The following GRM7 variants were observed in gnomAD, a reference collection of about 807,000 sequenced individuals.
GRM7 encodes the protein glutamate metabotropic receptor 7.
Under a neutral mutation model 84.5 loss-of-function variants are expected in GRM7, and 35 were observed. The observed-to-expected ratio is 0.41, with a 90% CI of 0.32 to 0.55. The LOEUF (loss-of-function observed/expected upper bound fraction) is 0.55. Among genes scored for constraint, GRM7 ranks in the 20% least tolerant of loss-of-function variants. The probability of loss-of-function intolerance (pLI) is 0.19; values close to 1 mark genes in which losing one functional copy is unlikely to be tolerated. For synonymous variants in GRM7, 487 were observed against 455.1 expected (o/e 1.07, Z -0.89); for missense variants, 1,003 against 1,194.6 (o/e 0.84, Z 2.36).
intron 2 of GRM7, among the ~76,000 whole-genome samples, chr3:7,176,647 G>GTAT (rs1695160913): frequency 6.6e-6 from 1 of 152,128 alleles, no homozygotes; most frequent in South Asian, 2.1e-4. Context: ...TACCCTTCCA[G>GTAT]GCACCCATAC....
At chr3:6,940,128 T>C (rs1697834870) in intron 1 of GRM7, among the ~76,000 whole-genome samples, 2 of 152,190 alleles carry the variant, frequency 1.3e-5, no homozygotes, top group African/African-American at 4.8e-5. Context: ...AGTCTCCCTC[T>C]GCCACCAGGC....
intron 2 of GRM7, among the ~76,000 whole-genome samples, chr3:7,284,684 G>A (rs1699368804): frequency 6.6e-6 from 1 of 151,764 alleles, no homozygotes; most frequent in Non-Finnish European, 1.5e-5. Context: ...TTGAAATTAG[G>A]CTTAATTTAT....
intron 2 of GRM7, among the ~76,000 whole-genome samples, chr3:7,149,792 T>A (rs1429164671): frequency 6.6e-6 from 1 of 152,174 alleles, no homozygotes; most frequent in Admixed American, 6.5e-5. Flanking sequence ...ATGTATAAGA[T>A]GGTGCATGGG....
chr3:7,500,124 T>C (rs1699838661), intron 7 of GRM7, among the ~76,000 whole-genome samples: 1 of 152,206 alleles, frequency 6.6e-6, no homozygotes, highest in Non-Finnish European at 1.5e-5. Context: ...TTATTACTTA[T>C]GAGCTATTTT....
At chr3:7,173,372 C>T (rs559351274) in intron 2 of GRM7, among the ~76,000 whole-genome samples, 73 of 152,250 alleles carry the variant, frequency 4.8e-4, no homozygotes, top group African/African-American at 1.6e-3. Flanking sequence ...TTACCAACTG[C>T]TCTCCCCACC....
chr3:7,600,165 G>GT (rs1191008692), intron 8 of GRM7, among the ~76,000 whole-genome samples: 3 of 151,520 alleles, frequency 2.0e-5, no homozygotes, highest in Non-Finnish European at 3.0e-5. Flanking sequence ...GTTTCTTATT[G>GT]TTTTTTTGTT....
chr3:7,278,836 A>G (rs1300841715), intron 2 of GRM7, among the ~76,000 whole-genome samples: 2 of 152,206 alleles, frequency 1.3e-5, no homozygotes, highest in East Asian at 3.8e-4. Context: ...ATGGATAGAT[A>G]CAAACTAAGT....
At chr3:7,225,006 CTA>C (rs1364162406) in intron 2 of GRM7, among the ~76,000 whole-genome samples, 1 of 152,036 alleles carries the variant, frequency 6.6e-6, no homozygotes, top group African/African-American at 2.4e-5. Flanking sequence ...TTTTACAGCT[CTA>C]GTTTTATAGC....
chr3:7,697,883 AG>A (rs569339138), intron 9 of GRM7, among the ~76,000 whole-genome samples: 251 of 152,308 alleles, frequency 1.6e-3, no homozygotes, highest in Non-Finnish European at 2.3e-3. Context: ...CCATTACTGT[AG>A]GGGTTATAAA....
intron 8 of GRM7, chr3:7,608,080 G>C (rs1422860798): frequency 1.4e-5 from 5 of 352,134 alleles, no homozygotes; most frequent in Non-Finnish European, 3.0e-5. Context: ...TTTTATGGCT[G>C]TACAGTATTC....
chr3:7,178,895 A>G (rs1413764028), intron 2 of GRM7, among the ~76,000 whole-genome samples: 2 of 151,950 alleles, frequency 1.3e-5, no homozygotes, highest in African/African-American at 4.8e-5. Context: ...AGTCTGGCCA[A>G]CATGGTGAAA....
At chr3:7,648,345 T>C (rs1266991790) in intron 8 of GRM7, among the ~76,000 whole-genome samples, 1 of 151,860 alleles carries the variant, frequency 6.6e-6, no homozygotes, top group Non-Finnish European at 1.5e-5. Context: ...CTTGAAGATC[T>C]GGGACACAAG....
intron 1 of GRM7, among the ~76,000 whole-genome samples, chr3:7,025,952 C>A (rs1340247131): frequency 6.6e-6 from 1 of 152,162 alleles, no homozygotes; most frequent in Non-Finnish European, 1.5e-5. Flanking sequence ...ACCTACCCTG[C>A]AAAGCCATAC....
At chr3:6,982,043 C>G (rs917242558) in intron 1 of GRM7, among the ~76,000 whole-genome samples, 1 of 152,116 alleles carries the variant, frequency 6.6e-6, no homozygotes, top group African/African-American at 2.4e-5. Flanking sequence ...ATGGAATCAA[C>G]CTAGGTACCC....
intron 9 of GRM7, among the ~76,000 whole-genome samples, chr3:7,699,336 C>G (rs577757259): frequency 6.6e-6 from 1 of 152,110 alleles, no homozygotes; most frequent in Admixed American, 6.6e-5. Context: ...ATTTACTAGA[C>G]AGTTGGTGAC....
At chr3:7,153,223 A>T (rs7626768) in intron 2 of GRM7, among the ~76,000 whole-genome samples, 1 of 148,448 alleles carries the variant, frequency 6.7e-6, no homozygotes, top group African/African-American at 2.5e-5. Flanking sequence ...CCTGGCCTTC[A>T]GAGGGATTCT....
chr3:7,707,415 G>A (rs1019534674), intron 9 of GRM7, among the ~76,000 whole-genome samples: 1 of 152,104 alleles, frequency 6.6e-6, no homozygotes, highest in Non-Finnish European at 1.5e-5. Flanking sequence ...AGGGAACTGA[G>A]AGGCAGGATG....
Position 7,214,208 on chromosome 3 carries a change from G to A in GRM7, c.736+67540G>A, listed in dbSNP as rs115346938. ...ATTGCCGTTTTGGAAGGTCACCTAC[G>A]ATGCAATATAATGAATGTAGAAGTC... On this transcript the variant is annotated intron_variant, in intron 2 of 9. Transcript: ENST00000357716. Among the ~76,000 whole-genome samples, 1,195 of 151,848 alleles carry A rather than the reference G, an allele frequency of 7.9e-3. 16 individuals are homozygous for A. Among genetic ancestry groups the A allele is most frequent in the African/African-American group, 0.027 (1,121 of 41,392 alleles).
At chr3:6,971,149 A>G (rs1693736502) in intron 1 of GRM7, among the ~76,000 whole-genome samples, 1 of 151,816 alleles carries the variant, frequency 6.6e-6, no homozygotes. Flanking sequence ...ACATGAAAGT[A>G]AAACTGCAGC....
Sources: allele counts gnomAD v4.1 joint callset (sites outside exome capture counted in the v4.1 genomes callset), GRCh38; gene constraint gnomAD v4.1.1; transcripts MANE v1.5; gene names NCBI Gene and HGNC (gene_info 2026-07-23, HGNC 2026-07-21).